Variants in ATG10 observed in about 807,000 individuals in gnomAD.
ATG10 encodes autophagy related 10, also known as ubiquitin-like-conjugating enzyme ATG10.
In ATG10, 30 loss-of-function variants were observed where a neutral mutation model predicts 32.1. The ratio of observed to expected loss-of-function variants is 0.94; its 90% confidence interval spans 0.70 to 1.27. The LOEUF is 1.27. Ranked by LOEUF, ATG10 falls within the 50% of genes most tolerant of loss-of-function variation. The pLI is 0.00. For missense variants in ATG10, 233 were observed against 262.3 expected, an observed-to-expected ratio of 0.89 and a Z score of 0.77; for synonymous variants, 87 against 91.5, an observed-to-expected ratio of 0.95 and a Z score of 0.28.
At chr5:82,074,907 T>A (rs1358463160) in intron 3 of ATG10, among the ~76,000 whole-genome samples, 1 of 152,206 alleles carries the variant, frequency 6.6e-6, no homozygotes, top group African/African-American at 2.4e-5. Flanking sequence ...ATTGTAAAAC[T>A]GAAGGACTTA....
At chr5:82,154,743 A>G (rs1767742130) in intron 3 of ATG10, among the ~76,000 whole-genome samples, 1 of 152,240 alleles carries the variant, frequency 6.6e-6, no homozygotes, top group South Asian at 2.1e-4. Context: ...CAACAACCAC[A>G]TCTTTGTCCC....
rs375020927 is a variant in ATG10 at position 81,984,657 on chromosome 5, C to A, written c.-12-2902C>A. On this transcript the variant is annotated intron_variant, in intron 1 of 7. Transcript: ENST00000282185. ...AATAAGCCACAGTTGTGGTTATTTC[C>A]ATTTTTAGCCATATTTTCATCCATC... is the stretch of plus-strand genomic sequence containing the variant. 7.9e-5 allele frequency among the ~76,000 whole-genome samples: 12 copies of A among 152,232 alleles called. No individual in the cohort carries two copies. The East Asian group carries it at 2.3e-3, about 29-fold the overall frequency.
intron 4 of ATG10, among the ~76,000 whole-genome samples, chr5:82,174,251 A>G (rs1317200014): frequency 6.6e-6 from 1 of 152,236 alleles, no homozygotes; most frequent in African/African-American, 2.4e-5. Flanking sequence ...GGCTTAGGGA[A>G]CAGAAACCAC....
At chr5:82,223,073 G>C (rs1250562122) in intron 5 of ATG10, among the ~76,000 whole-genome samples, 2 of 152,192 alleles carry the variant, frequency 1.3e-5, no homozygotes, top group Non-Finnish European at 2.9e-5. Flanking sequence ...ATGATGGTGA[G>C]AGTTATAGAT....
chr5:81,972,521 C>T (rs1188477441), intron 1 of ATG10: 1 of 152,236 alleles, frequency 6.6e-6, no homozygotes, highest in Non-Finnish European at 1.5e-5. Flanking sequence ...ACTCCCTCCT[C>T]GGGGACCCGG....
chr5:82,003,674 A>G (rs1761912113), intron 2 of ATG10, among the ~76,000 whole-genome samples: 1 of 152,262 alleles, frequency 6.6e-6, no homozygotes. Flanking sequence ...AATCCAACCC[A>G]TTGAACATCA....
intron 3 of ATG10, among the ~76,000 whole-genome samples, chr5:82,161,553 A>G (rs1249201594): frequency 6.6e-6 from 1 of 152,138 alleles, no homozygotes; most frequent in East Asian, 1.9e-4. Flanking sequence ...TATCTTAACT[A>G]GCAGCACTGG....
At chr5:81,991,441 G>A (rs1378667032) in intron 2 of ATG10, among the ~76,000 whole-genome samples, 3 of 152,052 alleles carry the variant, frequency 2.0e-5, no homozygotes, top group African/African-American at 7.2e-5. Context: ...AAAATCAAGA[G>A]TGAACATATT....
intron 5 of ATG10, among the ~76,000 whole-genome samples, chr5:82,226,816 A>G (rs1443110143): frequency 6.6e-6 from 1 of 152,210 alleles, no homozygotes; most frequent in Non-Finnish European, 1.5e-5. Flanking sequence ...TAATCATTAT[A>G]AACTTATGAC....
At chr5:82,098,060 A>G (rs1001779025) in intron 3 of ATG10, among the ~76,000 whole-genome samples, 21 of 152,144 alleles carry the variant, frequency 1.4e-4, no homozygotes, top group Non-Finnish European at 2.9e-4. Flanking sequence ...CCGCTTGACC[A>G]TCTCATTCAA....
chr5:81,993,324 TTTCC>T (rs1482074846), intron 2 of ATG10, among the ~76,000 whole-genome samples: 1 of 103,204 alleles, frequency 9.7e-6, no homozygotes, highest in Non-Finnish European at 1.9e-5. Context: ...TCTTTCTTTC[TTTCC>T]TTCCTTCCTT....
intron 3 of ATG10, among the ~76,000 whole-genome samples, chr5:82,145,564 G>A (rs1278602868): frequency 6.6e-6 from 1 of 151,950 alleles, no homozygotes; most frequent in African/African-American, 2.4e-5. Flanking sequence ...TTATATAATA[G>A]TTGTCATATG....
intron 3 of ATG10, among the ~76,000 whole-genome samples, chr5:82,163,050 TAAGA>T (rs1412032635): frequency 5.3e-5 from 8 of 152,226 alleles, no homozygotes; most frequent in East Asian, 1.9e-4. Flanking sequence ...TTTATAATAT[TAAGA>T]AAGAAAGGAA....
intron 3 of ATG10, among the ~76,000 whole-genome samples, chr5:82,079,285 A>C (rs1764386666): frequency 6.6e-6 from 1 of 152,114 alleles, no homozygotes; most frequent in African/African-American, 2.4e-5. Flanking sequence ...CCTCACAATC[A>C]TGGCAGAAGG....
intron 5 of ATG10, among the ~76,000 whole-genome samples, chr5:82,207,183 T>C (rs999777424): frequency 6.6e-6 from 1 of 152,230 alleles, no homozygotes; most frequent in Non-Finnish European, 1.5e-5. Context: ...AAGAATAGAA[T>C]TGCTGGGTCA....
chr5:82,080,780 T>C (rs558720911), intron 3 of ATG10, among the ~76,000 whole-genome samples: 159 of 152,348 alleles, frequency 1.0e-3, no homozygotes, highest in Non-Finnish European at 1.6e-3. Context: ...GTAGTATAGT[T>C]TGAAGTCAGG....
chr5:82,187,551 T>C (rs890982074), intron 5 of ATG10, among the ~76,000 whole-genome samples: 4 of 151,918 alleles, frequency 2.6e-5, no homozygotes, highest in Non-Finnish European at 5.9e-5. Context: ...TGAAACTTCT[T>C]TCTCACTATC....
chr5:82,065,721 A>G (rs1561281400), intron 3 of ATG10, among the ~76,000 whole-genome samples: 2 of 152,132 alleles, frequency 1.3e-5, no homozygotes, highest in African/African-American at 4.8e-5. Context: ...ATCTACTTTA[A>G]TAAACAGGAG....
chr5:82,099,632 CAA>C (rs1765191665), intron 3 of ATG10, among the ~76,000 whole-genome samples: 1 of 152,050 alleles, frequency 6.6e-6, no homozygotes, highest in African/African-American at 2.4e-5. Flanking sequence ...TAATCATAAA[CAA>C]GATAATCCCA....
Sources: allele counts gnomAD v4.1 joint callset (sites outside exome capture counted in the v4.1 genomes callset), GRCh38; gene constraint gnomAD v4.1.1; transcripts MANE v1.5; gene names NCBI Gene and HGNC (gene_info 2026-07-23, HGNC 2026-07-21).